Variants in TGFBR3 observed in about 807,000 individuals in gnomAD.
TGFBR3 encodes transforming growth factor beta receptor 3, also known as transforming growth factor beta receptor type 3.
In TGFBR3, 46 loss-of-function variants were observed where a neutral mutation model predicts 87.9. That is an observed-to-expected ratio of 0.52 (90% CI 0.41 to 0.67). The LOEUF (loss-of-function observed/expected upper bound fraction) is 0.67. TGFBR3 is among the 30% of genes least tolerant of loss of function. TGFBR3 has a pLI of 0.00. For missense variants in TGFBR3, 866 were observed against 1,041.9 expected (o/e 0.83, Z 2.32); for synonymous variants, 381 against 391.6 (o/e 0.97, Z 0.32).
intron 1 of TGFBR3, among the ~76,000 whole-genome samples, chr1:91,885,563 G>A (rs1217393010): frequency 6.6e-6 from 1 of 152,152 alleles, no homozygotes; most frequent in Non-Finnish European, 1.5e-5. Flanking sequence ...CCCCGCAGGG[G>A]TCAGAAGGAC....
intron 4 of TGFBR3, among the ~76,000 whole-genome samples, chr1:91,752,150 G>A (rs1037224234): frequency 1.3e-5 from 2 of 152,124 alleles, no homozygotes; most frequent in Admixed American, 6.5e-5. Flanking sequence ...AATTACCTCC[G>A]AGTAGAGCTG....
intron 1 of TGFBR3, among the ~76,000 whole-genome samples, chr1:91,874,197 T>G (rs747602001): frequency 1.3e-5 from 2 of 152,186 alleles, no homozygotes; most frequent in Non-Finnish European, 2.9e-5. Flanking sequence ...AAAGTATGTG[T>G]GTGGGGTTTT....
At chr1:91,733,218 T>C (rs937646184) in intron 5 of TGFBR3, among the ~76,000 whole-genome samples, 1 of 152,232 alleles carries the variant, frequency 6.6e-6, no homozygotes, top group African/African-American at 2.4e-5. Flanking sequence ...GAGTTATGCT[T>C]ATTTGGCTAG....
chr1:91,857,431 G>A (rs147778797), intron 2 of TGFBR3, among the ~76,000 whole-genome samples: 59 of 151,716 alleles, frequency 3.9e-4, no homozygotes, highest in African/African-American at 1.4e-3. Flanking sequence ...GGTGAACTCA[G>A]TGCCTCCTTC....
chr1:91,813,751 A>G (rs1369198856), intron 2 of TGFBR3, among the ~76,000 whole-genome samples: 1 of 152,206 alleles, frequency 6.6e-6, no homozygotes, highest in Non-Finnish European at 1.5e-5. Flanking sequence ...AGGCCCCTCT[A>G]TGGCAGCAGT....
In TGFBR3 at chr1:91,901,855, G is replaced by A. The variant is rs577293953; in HGVS notation, c.-174-2158C>T. Among the ~76,000 whole-genome samples, 35 of 151,222 alleles carry A rather than the reference G, an allele frequency of 2.3e-4. 1 individual carries two copies. The highest frequency in any genetic ancestry group is 3.4e-3 in the Middle Eastern group (1 of 294). ...TTGAGTCCAGGAGTTTGAGGCTGCA[G>A]TGAGCTATAAACACGCCACTGCACC... On this transcript the variant is annotated intron_variant, in intron 1 of 17. Coordinates refer to the TGFBR3 transcript ENST00000370399.
intron 2 of TGFBR3, among the ~76,000 whole-genome samples, chr1:91,858,104 A>G (rs1678027955): frequency 6.6e-6 from 1 of 152,170 alleles, no homozygotes; most frequent in Non-Finnish European, 1.5e-5. Context: ...ACTATGGATT[A>G]TTAAAGTATC....
chr1:91,690,116 CAA>C (rs2100700049), intron 16 of TGFBR3, among the ~76,000 whole-genome samples: 1 of 152,270 alleles, frequency 6.6e-6, no homozygotes, highest in Admixed American at 6.5e-5. Context: ...GAGAAACAAG[CAA>C]TTTATGTCGC....
At chr1:91,698,203 A>G in intron 14 of TGFBR3, 73 bp from the exon 15 acceptor site, 1 of 1,274,168 alleles carries the variant, frequency 7.8e-7, no homozygotes, top group Non-Finnish European at 1.1e-6. Context: ...TCAAAGTCTC[A>G]GCAGAAACTG....
chr1:91,852,388 A>G (rs893350433), intron 2 of TGFBR3, among the ~76,000 whole-genome samples: 15 of 152,104 alleles, frequency 9.9e-5, no homozygotes, highest in African/African-American at 2.9e-4. Flanking sequence ...GTGTGTGTGT[A>G]TGTGTGTGTG....
At chr1:91,790,700 T>C (rs1675154787) in intron 3 of TGFBR3, among the ~76,000 whole-genome samples, 1 of 152,196 alleles carries the variant, frequency 6.6e-6, no homozygotes, top group African/African-American at 2.4e-5. Context: ...CAAACATAAA[T>C]AGCCCTGGGT....
chr1:91,806,640 A>G (rs1456101017), intron 2 of TGFBR3, among the ~76,000 whole-genome samples: 2 of 152,200 alleles, frequency 1.3e-5, no homozygotes, highest in African/African-American at 4.8e-5. Context: ...CCAGGGTTCT[A>G]ATGAGGAGCG....
At chr1:91,744,376 A>G (rs1194868952) in intron 4 of TGFBR3, among the ~76,000 whole-genome samples, 8 of 152,172 alleles carry the variant, frequency 5.3e-5, no homozygotes, top group Non-Finnish European at 1.5e-5. Context: ...ACGAGGAGCC[A>G]TGCCCAGCCA....
At chr1:91,822,996 C>G (rs1307311053) in intron 2 of TGFBR3, among the ~76,000 whole-genome samples, 1 of 152,138 alleles carries the variant, frequency 6.6e-6, no homozygotes, top group Middle Eastern at 3.2e-3. Flanking sequence ...CCTTATTGAG[C>G]ACCTATCTAG....
In TGFBR3 at chr1:91,817,254, C is replaced by T. The variant is rs577760565; in HGVS notation, c.62-19783G>A. On this transcript the variant is annotated intron_variant, in intron 2 of 16. Coordinates refer to ENST00000212355, the MANE Select transcript of TGFBR3 (RefSeq NM_003243.5). ...AAACAAAGCATCATAAAGAACATAACGTTCAAACGGCATGGAAACTGTTTT... is the reference window on the plus strand; with the variant it reads ...AAACAAAGCATCATAAAGAACATAATGTTCAAACGGCATGGAAACTGTTTT... 4.6e-5 allele frequency among the ~76,000 whole-genome samples: 7 copies of T among 152,166 alleles called. No homozygotes were observed. In the East Asian group the frequency reaches 7.7e-4, roughly 17 times the overall value.
chr1:91,739,616 G>A (rs1275772784), intron 4 of TGFBR3, among the ~76,000 whole-genome samples: 1 of 152,110 alleles, frequency 6.6e-6, no homozygotes, highest in Non-Finnish European at 1.5e-5. Flanking sequence ...GGGGTTCCAG[G>A]TTGTTCAGCC....
At chr1:91,835,930 A>G (rs1253387279) in intron 2 of TGFBR3, among the ~76,000 whole-genome samples, 1 of 151,596 alleles carries the variant, frequency 6.6e-6, no homozygotes, top group East Asian at 1.9e-4. Flanking sequence ...CTAAAACATT[A>G]CTTGAGGATA....
intron 3 of TGFBR3, among the ~76,000 whole-genome samples, chr1:91,774,903 TC>T: frequency 6.6e-6 from 1 of 152,102 alleles, no homozygotes; most frequent in East Asian, 1.9e-4. Context: ...CTGGTAAAAG[TC>T]TGAAAGAAAC....
rs796246570 is a variant in TGFBR3 at position 91,818,277 on chromosome 1, CCTTTTTTTTTTTTTTTTTTTTTTT to C, written c.62-20830_62-20807del. Among the ~76,000 whole-genome samples the C allele has an allele frequency of 1.6e-3, 194 of 123,150 alleles. 22 individuals carry two copies. Among genetic ancestry groups the C allele is most frequent in the African/African-American group, 2.9e-3 (100 of 34,070 alleles). 80.8% of individuals were successfully genotyped at this position (123,150 alleles called of 152,430 possible). ...CTGCACCATTTCCCCTTAGCCCCAG[CCTTTTTTTTTTTTTTTTTTTTTTT>C]TTTTTTTTTTTTTTTTTTTTAGGAA... On this transcript the variant is annotated intron_variant, in intron 2 of 16. Transcript: ENST00000212355.
Sources: allele counts gnomAD v4.1 joint callset (sites outside exome capture counted in the v4.1 genomes callset), GRCh38; gene constraint gnomAD v4.1.1; transcripts MANE v1.5; gene names NCBI Gene and HGNC (gene_info 2026-07-23, HGNC 2026-07-21).